Variants in ACIN1 observed in about 807,000 individuals in gnomAD.
ACIN1 encodes apoptotic chromatin condensation inducer 1, also known as apoptotic chromatin condensation inducer in the nucleus.
In ACIN1, 16 loss-of-function variants were observed where a neutral mutation model predicts 146.6. The observed-to-expected ratio is 0.11, with a 90% confidence interval of 0.07 to 0.17. The LOEUF is 0.17. ACIN1 is among the 10% of genes least tolerant of loss of function. The pLI, the probability that ACIN1 is intolerant of heterozygous loss-of-function variation, is 1.00. For synonymous variants in ACIN1, 569 were observed against 582.7 expected (o/e 0.98, Z 0.34); for missense variants, 1,357 against 1,609.3 (o/e 0.84, Z 2.68).
intron 10 of ACIN1, among the ~76,000 whole-genome samples, chr14:23,065,315 C>T (rs754668869): frequency 2.6e-4 from 40 of 152,188 alleles, no homozygotes; most frequent in African/African-American, 8.7e-4. Flanking sequence ...AGGTCAGGCA[C>T]GATGGCTCAC....
At chr14:23,086,036 G>A (rs1210186879) in intron 4 of ACIN1, among the ~76,000 whole-genome samples, 1 of 152,258 alleles carries the variant, frequency 6.6e-6, no homozygotes, top group Non-Finnish European at 1.5e-5. Context: ...AAATTCCTGG[G>A]TAGGATTTGT....
intron 8 of ACIN1, 104 bp from the exon 9 acceptor site, chr14:23,069,721 C>T (rs2093642671): frequency 9.0e-7 from 1 of 1,106,064 alleles, no homozygotes; most frequent in African/African-American, 1.6e-5. Context: ...CCTGCCTCAT[C>T]ACTTGGGTGG....
rs1015953903 is a variant in ACIN1 at position 23,073,880 on chromosome 14, C to T, written c.2124-4263G>A. Among the ~76,000 whole-genome samples, 3 of 149,884 alleles carry T rather than the reference C, an allele frequency of 2.0e-5. No individual in the cohort carries two copies. In the East Asian group the frequency reaches 6.0e-4, roughly 30 times the overall value. On this transcript the variant is annotated intron_variant, in intron 8 of 18. Transcript: ENST00000605057. ...TTGAGACGGAGTCTCACTCTGTTGCCCAGGCTGGAGTGCAGTGGCACAATC... is the reference window on the plus strand; with the variant it reads ...TTGAGACGGAGTCTCACTCTGTTGCTCAGGCTGGAGTGCAGTGGCACAATC...
chr14:23,094,702 G>C (rs1018156738), intron 1 of ACIN1: 5 of 661,232 alleles, frequency 7.6e-6, no homozygotes, highest in South Asian at 2.7e-5. Flanking sequence ...AAACAAGGAG[G>C]GGGTGGGGGA....
rs780655214 is a variant in ACIN1 at position 23,067,048 on chromosome 14, C to T, written c.2266-1040G>A. 6.6e-6 allele frequency among the ~76,000 whole-genome samples: 1 copy of T among 151,934 alleles called. No individual in the cohort carries two copies. The highest frequency in any genetic ancestry group is 1.9e-4 in the East Asian group (1 of 5,168). On this transcript the variant is annotated intron_variant, in intron 9 of 18. Coordinates refer to ENST00000605057, the MANE Select transcript of ACIN1 (RefSeq NM_001386863.1). This position sits in a 1 kb window ranked among gnomAD's most constrained non-coding sequence, Gnocchi z 4.6. ...CCCCCACCCGCAGCCCCGTTTGTGTCGTCTAACCAAGTCTCCTTGGTCTCT... is the reference window on the plus strand; with the variant it reads ...CCCCCACCCGCAGCCCCGTTTGTGTTGTCTAACCAAGTCTCCTTGGTCTCT...
chr14:23,067,804 T>C lies in ACIN1; in HGVS notation c.2265+1672A>G. On this transcript the variant is annotated intron_variant, in intron 9 of 18. Coordinates refer to ENST00000605057, the MANE Select transcript of ACIN1 (RefSeq NM_001386863.1). This position sits in a 1 kb window ranked among gnomAD's most constrained non-coding sequence, Gnocchi z 4.6. ...CTCCAGAGTCCCTTTCTCCTCTGCC[T>C]GTAACTGGGGAGGGGGTCCTCTCAC... The C allele has an allele frequency of 2.0e-6, 2 of 985,850 alleles. No individual in the cohort carries two copies. The highest frequency in any genetic ancestry group is 2.4e-6 in the Non-Finnish European group (2 of 829,962). 61.1% of individuals were successfully genotyped at this position (985,850 alleles called of 1,614,324 possible). A position where few individuals can be genotyped will look rare whatever the true frequency, so the allele number is the denominator to read the frequency against.
chr14:23,064,319 G>A (rs1422940934), intron 11 of ACIN1, 36 bp downstream of exon 11: 1 of 1,613,864 alleles, frequency 6.2e-7, no homozygotes, highest in African/African-American at 1.3e-5. Flanking sequence ...ACCTTAACAG[G>A]TCTCATCCTC....
chr14:23,061,958 C>T (rs1476826036), intron 16 of ACIN1, among the ~76,000 whole-genome samples: 6 of 119,406 alleles, frequency 5.0e-5, no homozygotes, highest in South Asian at 2.6e-4. Context: ...TGGGAGACAG[C>T]GAGACTCTGT....
chr14:23,080,388 A>G lies in ACIN1; in HGVS notation c.947T>C (p.Ile316Thr). 6.2e-7 allele frequency: 1 copy of G among 1,613,880 alleles called. No homozygotes were observed. The highest frequency in any genetic ancestry group is 8.5e-7 in the Non-Finnish European group (1 of 1,179,930). ...TTCCTTTAAGCCTTGTGAAGATTTT[A>G]TTTCTCTTTCTTCCTCCTCAAGGGG... ...TSPLEEEERE[I>T]KSSQGLKEKS... The change falls in exon 6 of 19, where the codon ATA becomes ACA. Residue 316 changes from isoleucine to threonine, a missense_variant. Physicochemically the swap from Ile to Thr is moderately conservative, Grantham distance 89. Transcript: ENST00000605057.
Position 23,069,601 on chromosome 14 carries a change from C to T in ACIN1, c.2140G>A (p.Val714Met), listed in dbSNP as rs1453490211. ...IHHTVEEKEE[V>M]TMDTSENRPE... ...CTGTTTTCACTTGTGTCCATGGTCA[C>T]TTCCTCCTTCTCCTCACTGACAGGA... Residue 714 changes from valine (V) to methionine (M), a missense_variant, in exon 9 of 19, where the codon GTG becomes ATG. Around this residue, in one of 4 missense-constraint regions of ACIN1, gnomAD observed 771 missense variants for 746.6 expected, o/e 1.03. Transcript: ENST00000605057. 3 of 1,580,834 alleles carry T rather than the reference C, an allele frequency of 1.9e-6. No homozygotes were observed. Among genetic ancestry groups the T allele is most frequent in the Non-Finnish European group, 2.6e-6 (3 of 1,160,242 alleles).
intron 4 of ACIN1, among the ~76,000 whole-genome samples, chr14:23,082,121 G>T (rs2047958417): frequency 6.6e-6 from 1 of 152,098 alleles, no homozygotes; most frequent in African/African-American, 2.4e-5. Context: ...ATAATTTCCA[G>T]GGGCTTCAAA....
chr14:23,090,523 T>C lies in ACIN1; in HGVS notation c.315A>G (p.Glu105=). Residue 105 remains glutamate (E), a splice_region_variant and synonymous_variant, in exon 3 of 19, where the codon GAA becomes GAG. Transcript: ENST00000605057. ...EREAREAAEL[E]EASAESEDEM... ...TTAAAAGTGACAATCTGGGCTTACCTTCAAGTTCTGCAGCTTCTCGAGCTT... is the reference window on the plus strand; with the variant it reads ...TTAAAAGTGACAATCTGGGCTTACCCTCAAGTTCTGCAGCTTCTCGAGCTT... 1.9e-6 allele frequency: 3 copies of C among 1,613,744 alleles called. No homozygotes were observed. The highest frequency in any genetic ancestry group is 2.5e-6 in the Non-Finnish European group (3 of 1,179,700).
chr14:23,072,267 T>G (rs933006345), intron 8 of ACIN1, among the ~76,000 whole-genome samples: 1 of 152,066 alleles, frequency 6.6e-6, no homozygotes, highest in African/African-American at 2.4e-5. Context: ...ACAGACAACT[T>G]TGTTTTATAG....
At chr14:23,062,875 A>G (rs549207531) in intron 14 of ACIN1, 54 bp downstream of exon 14, 2 of 1,549,246 alleles carry the variant, frequency 1.3e-6, no homozygotes, top group Admixed American at 2.0e-5. Flanking sequence ...GCATAAGCCT[A>G]AAGCTCAAAC....
rs183007684 is a variant in ACIN1, at chr14:23,061,959, G to A, written c.3099+209C>T. ...ACTGCACTCCAGCCTGGGAGACAGC[G>A]AGACTCTGTCTCAAAAAAAAAAAAA... On this transcript the variant is annotated intron_variant, in intron 16 of 18. Transcript: ENST00000605057. Among the ~76,000 whole-genome samples, 917 of 119,834 alleles carry A rather than the reference G, an allele frequency of 7.7e-3. 5 individuals are homozygous for A. Among genetic ancestry groups the A allele is most frequent in the Middle Eastern group, 0.016 (3 of 184 alleles). 78.6% of individuals were successfully genotyped at this position (119,834 alleles called of 152,430 possible).
At chr14:23,077,611 A>G (rs1365693645) in intron 8 of ACIN1, among the ~76,000 whole-genome samples, 1 of 152,262 alleles carries the variant, frequency 6.6e-6, no homozygotes, top group Non-Finnish European at 1.5e-5. Context: ...TTAAGGGCCC[A>G]GGAACAAACT....
chr14:23,080,578 T>C lies in ACIN1; in HGVS notation c.757A>G (p.Ile253Val), dbSNP rs568243370. ...ATCTCCTCTGGTTTTACTCTAGGTA[T>C]CTCTTCCCCTTCTTCCTTAAACTCT... Reference protein sequence around the residue: ...LKEFKEEGEEIPRVKPEEMMD... With the variant: ...LKEFKEEGEEVPRVKPEEMMD... Residue 253 changes from isoleucine to valine, a missense_variant, in exon 6 of 19, where the codon ATA (isoleucine) becomes GTA (valine). Coordinates refer to ENST00000605057, the MANE Select transcript of ACIN1 (RefSeq NM_001386863.1). 1 of 1,614,146 alleles carries C rather than the reference T, an allele frequency of 6.2e-7. No homozygotes were observed.
At chr14:23,078,777 T>C (rs1188676534) in intron 7 of ACIN1, 43 bp downstream of exon 7, 2 of 1,581,674 alleles carry the variant, frequency 1.3e-6, no homozygotes, top group African/African-American at 1.4e-5. Context: ...AAGATCTTGC[T>C]TAATCCTCCA....
chr14:23,070,289 A>G (rs1169283563), intron 8 of ACIN1, among the ~76,000 whole-genome samples: 1 of 152,146 alleles, frequency 6.6e-6, no homozygotes, highest in Non-Finnish European at 1.5e-5. Flanking sequence ...TCTCATTCAA[A>G]AGGAAAAATT....
Sources: gnomAD v4.1 joint callset for allele counts (sites outside exome capture counted in the v4.1 genomes callset) on GRCh38, gnomAD v4.1.1 for gene constraint, gnomAD v4.1.1 regional missense constraint, Gnocchi (gnomAD v3.1) non-coding constraint, MANE v1.5 for transcripts, NCBI Gene and HGNC (gene_info 2026-07-23, HGNC 2026-07-21) for gene names.